The following ZNF385D variants were observed in gnomAD, a reference collection of about 807,000 sequenced individuals.
ZNF385D encodes the protein zinc finger protein 659.
ZNF385D carries 15 observed loss-of-function variants against 35.8 expected under a neutral mutation model. That is an observed-to-expected ratio of 0.42 (90% CI 0.28 to 0.64). The LOEUF (loss-of-function observed/expected upper bound fraction) is 0.64, where lower values mean the gene tolerates loss of function less well. Ranked by LOEUF, ZNF385D falls within the 30% of genes least tolerant of loss-of-function variation. ZNF385D has a pLI of 0.23. For missense variants in ZNF385D, 474 were observed against 494.6 expected (o/e 0.96, Z 0.39); for synonymous variants, 212 against 186.8 (o/e 1.13, Z -1.10).
intron 3 of ZNF385D, among the ~76,000 whole-genome samples, chr3:22,157,944 C>T (rs1298171392): frequency 6.6e-6 from 1 of 152,080 alleles, no homozygotes; most frequent in Non-Finnish European, 1.5e-5. Context: ...ATGTCCTTTA[C>T]AAAAGTTCCC....
chr3:21,949,579 T>A (rs586425), intron 3 of ZNF385D, among the ~76,000 whole-genome samples: 33,627 of 140,822 alleles, frequency 0.24, 4,724 homozygotes, highest in Admixed American at 0.38. Flanking sequence ...TTAATACTTT[T>A]AAGTTCTGGG....
intron 3 of ZNF385D, among the ~76,000 whole-genome samples, chr3:22,079,378 T>C (rs546650780): frequency 5.5e-4 from 84 of 152,056 alleles, no homozygotes; most frequent in African/African-American, 2.0e-3. Context: ...ACATTAATTA[T>C]ATAATTAATA....
intron 3 of ZNF385D, among the ~76,000 whole-genome samples, chr3:21,917,884 G>A (rs767840427): frequency 2.0e-5 from 3 of 152,152 alleles, no homozygotes; most frequent in African/African-American, 7.2e-5. Context: ...CAGTCATTAA[G>A]CAAAATATAT....
chr3:22,255,374 C>A (rs1055234543), intron 2 of ZNF385D, among the ~76,000 whole-genome samples: 1 of 151,258 alleles, frequency 6.6e-6, no homozygotes, highest in Admixed American at 6.6e-5. Flanking sequence ...TATTGTTTTA[C>A]TTCTAAGCAT....
At chr3:22,090,117 C>T (rs569547685) in intron 3 of ZNF385D, among the ~76,000 whole-genome samples, 11 of 152,214 alleles carry the variant, frequency 7.2e-5, no homozygotes, top group South Asian at 6.2e-4. Flanking sequence ...ATATTGCAGG[C>T]GTGAGCCACA....
intron 1 of ZNF385D, among the ~76,000 whole-genome samples, chr3:21,732,367 T>C (rs2069061750): frequency 6.6e-6 from 1 of 152,108 alleles, no homozygotes. Context: ...CAGGTTTTGG[T>C]GTAGACTCAA....
intron 3 of ZNF385D, among the ~76,000 whole-genome samples, chr3:22,033,434 A>G (rs1698130708): frequency 6.9e-6 from 1 of 145,748 alleles, no homozygotes; most frequent in South Asian, 2.2e-4. Flanking sequence ...AATAATAATA[A>G]TAATAATGCA....
chr3:21,542,178 T>G (rs1230669927), intron 3 of ZNF385D, among the ~76,000 whole-genome samples: 1 of 152,212 alleles, frequency 6.6e-6, no homozygotes, highest in Non-Finnish European at 1.5e-5. Flanking sequence ...TAAAAATATG[T>G]GAATTTTCAT....
chr3:21,707,377 T>G (rs1343416707), intron 1 of ZNF385D, among the ~76,000 whole-genome samples: 1 of 152,206 alleles, frequency 6.6e-6, no homozygotes, highest in African/African-American at 2.4e-5. Flanking sequence ...TATTTCATGG[T>G]GCAGTAAGCA....
At position 21,412,370 on chromosome 3, in the gene ZNF385D, G is replaced by A. The variant is rs781025468; in HGVS notation, c.*8844C>T. On this transcript the variant is annotated 3_prime_UTR_variant, in exon 8 of 8. Coordinates refer to ENST00000281523, the MANE Select transcript of ZNF385D (RefSeq NM_024697.3). ...GTTTACCATAACTCTCAGAACAGGA[G>A]TATATTACAAACAAGTGGAATAGAA... The A allele has an allele frequency of 2.0e-5, 3 of 151,968 alleles. No individual in the cohort carries two copies. The highest frequency in any genetic ancestry group is 4.4e-5 in the Non-Finnish European group (3 of 67,954). 9.4% of individuals were successfully genotyped at this position (151,968 alleles called of 1,614,324 possible).
chr3:21,741,522 G>A, intron 1 of ZNF385D, among the ~76,000 whole-genome samples: 1 of 152,074 alleles, frequency 6.6e-6, no homozygotes, highest in East Asian at 1.9e-4. Flanking sequence ...TACCATGGTG[G>A]TACCTCAAAA....
chr3:21,794,727 T>C (rs1480249029), intron 3 of ZNF385D, among the ~76,000 whole-genome samples: 2 of 152,116 alleles, frequency 1.3e-5, no homozygotes, highest in African/African-American at 4.8e-5. Flanking sequence ...TAATGGTAAA[T>C]TTTAAAGCTG....
chr3:21,557,342 ATACCTAAT>A (rs1188695130), intron 3 of ZNF385D, among the ~76,000 whole-genome samples: 1 of 152,204 alleles, frequency 6.6e-6, no homozygotes, highest in East Asian at 1.9e-4. Flanking sequence ...GGTTCCGTCA[ATACCTAAT>A]TTATTGAGAG....
chr3:22,062,067 T>C (rs1294738438), intron 3 of ZNF385D, among the ~76,000 whole-genome samples: 1 of 152,156 alleles, frequency 6.6e-6, no homozygotes, highest in Non-Finnish European at 1.5e-5. Context: ...AGGCAAGGTC[T>C]TGTTCTGTTG....
At chr3:21,939,645 C>A (rs1294329390) in intron 3 of ZNF385D, among the ~76,000 whole-genome samples, 1 of 152,034 alleles carries the variant, frequency 6.6e-6, no homozygotes, top group Non-Finnish European at 1.5e-5. Context: ...GGAGAGAAAT[C>A]AAGTGTTAAA....
chr3:22,326,863 T>G (rs1038876355), intron 2 of ZNF385D, among the ~76,000 whole-genome samples: 1 of 152,182 alleles, frequency 6.6e-6, no homozygotes, highest in Non-Finnish European at 1.5e-5. Context: ...TTATTCACAT[T>G]TATGTCTGCA....
In ZNF385D at chr3:21,564,596, C is replaced by T; in HGVS notation, c.254G>A (p.Cys85Tyr). Residue 85 changes from cysteine (C) to tyrosine (Y), a missense_variant, in exon 3 of 8, where the codon TGC becomes TAC. By Grantham distance (194) the Cys-to-Tyr change is radical (BLOSUM62 -2). Transcript: ENST00000281523. Reference sequence around the variant, plus strand: ...TACATCAGAATTAAATCTCAACTGGCAAATGTTGCATGATATGATTTGCTT... The same window carrying T: ...TACATCAGAATTAAATCTCAACTGGTAAATGTTGCATGATATGATTTGCTT... Reference protein sequence around the residue: ...RRKQIISCNICQLRFNSDSQA... With the variant: ...RRKQIISCNIYQLRFNSDSQA... The T allele has an allele frequency of 6.5e-7, 1 of 1,547,058 alleles. No individual in the cohort carries two copies. Among genetic ancestry groups the T allele is most frequent in the Non-Finnish European group, 8.7e-7 (1 of 1,145,478 alleles).
At chr3:21,571,776 C>G (rs567303395) in intron 2 of ZNF385D, among the ~76,000 whole-genome samples, 84 of 152,196 alleles carry the variant, frequency 5.5e-4, no homozygotes, top group African/African-American at 2.0e-3. Flanking sequence ...TAGCACTAAA[C>G]TTATGATTAT....
chr3:21,676,708 A>T (rs2066740722), intron 1 of ZNF385D, among the ~76,000 whole-genome samples: 1 of 152,106 alleles, frequency 6.6e-6, no homozygotes. Flanking sequence ...TAGCAAGATC[A>T]TCTTACTCAA....
Sources: allele counts gnomAD v4.1 joint callset (sites outside exome capture counted in the v4.1 genomes callset), GRCh38; gene constraint gnomAD v4.1.1; transcripts MANE v1.5; gene names NCBI Gene and HGNC (gene_info 2026-07-23, HGNC 2026-07-21).